Variants in KRI1 observed in about 807,000 individuals in gnomAD.
KRI1 encodes protein KRI1 homolog.
KRI1 carries 83 observed loss-of-function variants against 97.0 expected under a neutral mutation model. The ratio of observed to expected loss-of-function variants is 0.86; its 90% CI spans 0.72 to 1.03. The LOEUF is 1.03. Among genes scored for constraint, KRI1 ranks in the 50% least tolerant of loss-of-function variants. The pLI is 0.00. For missense variants in KRI1, 916 were observed against 928.4 expected (o/e 0.99, Z 0.17); for synonymous variants, 371 against 363.5 (o/e 1.02, Z -0.23).
intron 2 of KRI1, 109 bp downstream of exon 2, chr19:10,565,608 C>T: frequency 7.2e-7 from 1 of 1,393,140 alleles, no homozygotes; most frequent in Non-Finnish European, 9.5e-7. Flanking sequence ...ATGGGACGCT[C>T]CCGCAGGGCG....
At chr19:10,561,320 C>T in intron 6 of KRI1, 55 bp from the exon 7 acceptor site, 1 of 1,473,642 alleles carries the variant, frequency 6.8e-7, no homozygotes, top group South Asian at 1.1e-5. Flanking sequence ...CTGTCTGCTG[C>T]CCCAGTATTT....
chr19:10,557,083 G>C lies in KRI1; in HGVS notation c.1617+469C>G, dbSNP rs1217130649. ...AATATTACCTTTGAGGTGAGGTAAT[G>C]TTATTAGCACTGTCATTAGGACTAT... On this transcript the variant is annotated intron_variant, in intron 16 of 18. Transcript: ENST00000312962. Among the ~76,000 whole-genome samples, 3 of 150,772 alleles carry C rather than the reference G, an allele frequency of 2.0e-5. 1 individual carries two copies. The highest frequency in any genetic ancestry group is 4.4e-5 in the Non-Finnish European group (3 of 67,814).
At chr19:10,564,396 G>A (rs1400070345) in intron 3 of KRI1, among the ~76,000 whole-genome samples, 1 of 151,916 alleles carries the variant, frequency 6.6e-6, no homozygotes, top group African/African-American at 2.4e-5. Context: ...GGAGACGGAG[G>A]TTGCAGTGAG....
At position 10,560,353 on chromosome 19, in the gene KRI1, T is replaced by C; in HGVS notation, c.759A>G (p.Glu253=). The change falls in exon 9 of 19, where the codon GAA becomes GAG. Residue 253 remains glutamate (E), a synonymous_variant. Transcript: ENST00000312962. ...TTTCCTCTTCATCTTCCTCCTCCTC[T>C]TCCTCCTCCTCATAGCGTTTGTTGA... ...YILNKRYEEE[E]EEEEDEEEME... 6.2e-7 allele frequency: 1 copy of C among 1,611,670 alleles called. No homozygotes were observed. The highest frequency in any genetic ancestry group is 8.5e-7 in the Non-Finnish European group (1 of 1,179,404).
intron 16 of KRI1, among the ~76,000 whole-genome samples, chr19:10,556,040 G>C (rs978395898): frequency 1.3e-5 from 2 of 152,136 alleles, no homozygotes; most frequent in African/African-American, 4.8e-5. Context: ...CCAAGCCAGG[G>C]CTTGAACCCA....
In KRI1 at chr19:10,553,981, C is replaced by A; in HGVS notation, c.2082G>T (p.Arg694Ser). The change falls in exon 19 of 19, where the codon AGG (arginine) becomes AGT (serine). Residue 694 changes from arginine to serine, a missense_variant. Around this residue, in one of 3 missense-constraint regions of KRI1, gnomAD observed 672 missense variants for 667.2 expected, o/e 1.01. Coordinates refer to ENST00000312962, the MANE Select transcript of KRI1 (RefSeq NM_023008.5). ...LHFRQLGRQR[R>S]KQQGPKNSS The stretch of plus-strand genomic sequence containing the variant: ...AGCTGTTCTTGGGCCCCTGTTGTTT[C>A]CTCCGCTGCCGGCCCAGCTGGCGGA... The A allele has an allele frequency of 6.2e-7, 1 of 1,610,630 alleles. No homozygotes were observed. The highest frequency in any genetic ancestry group is 8.5e-7 in the Non-Finnish European group (1 of 1,178,098).
At chr19:10,557,946 G>C in intron 14 of KRI1, 26 bp downstream of exon 14, 1 of 1,613,830 alleles carries the variant, frequency 6.2e-7, no homozygotes, top group Non-Finnish European at 8.5e-7. Flanking sequence ...AGGGCCCCTG[G>C]GACTCCCTCA....
At chr19:10,561,142 G>T in intron 7 of KRI1, 27 bp downstream of exon 7, 1 of 1,612,726 alleles carries the variant, frequency 6.2e-7, no homozygotes, top group Non-Finnish European at 8.5e-7. Context: ...CTGTCCCCCA[G>T]CAGTCCAGTC....
intron 18 of KRI1, 26 bp from the exon 19 acceptor site, chr19:10,554,307 C>T (rs1479444755): frequency 1.3e-6 from 2 of 1,593,642 alleles, no homozygotes; most frequent in Non-Finnish European, 8.6e-7. Flanking sequence ...CAGGGCTCAG[C>T]CCAGGCCTGT....
chr19:10,561,337 T>A (rs1916691834), intron 6 of KRI1, 72 bp from the exon 7 acceptor site: 2 of 1,396,336 alleles, frequency 1.4e-6, no homozygotes, highest in Non-Finnish European at 2.0e-6. Flanking sequence ...ATTTATTTTA[T>A]TTTGTAGAGC....
intron 4 of KRI1, among the ~76,000 whole-genome samples, chr19:10,562,111 T>C (rs915679977): frequency 4.0e-5 from 6 of 151,658 alleles, no homozygotes; most frequent in Non-Finnish European, 5.9e-5. Context: ...GGCAGTGGCA[T>C]GATCTCGGAA....
rs1568420162 is a variant in KRI1, at chr19:10,554,208, G to C, written c.1855C>G (p.Leu619Val). The change falls in exon 19 of 19, where the codon CTT becomes GTT. Residue 619 changes from leucine (L) to valine (V), a missense_variant. This residue lies in a region of KRI1 where 672 missense variants were observed against 667.2 expected (regional missense o/e 1.01). Transcript: ENST00000312962. ...EAGPQRQLPALDGSLMGPESP... is the reference protein window; with the variant it reads ...EAGPQRQLPAVDGSLMGPESP... The stretch of plus-strand genomic sequence containing the variant: ...TCCGGCCCCATCAAGCTGCCATCAA[G>C]GGCTGGCAGCTGCCTCTGTGGGCCG... 3.1e-6 allele frequency: 5 copies of C among 1,613,892 alleles called. No individual in the cohort carries two copies. The African/African-American group carries it at 5.3e-5, about 17-fold the overall frequency.
At chr19:10,559,572 C>G in intron 11 of KRI1, 41 bp downstream of exon 11, 3 of 1,613,848 alleles carry the variant, frequency 1.9e-6, no homozygotes, top group Non-Finnish European at 2.5e-6. Flanking sequence ...GGCTTTCCTC[C>G]AGGGCTGGGG....
At position 10,561,268 on chromosome 19, in the gene KRI1, GC is replaced by G. The variant is rs770006719; in HGVS notation, c.489-4del. The G allele has an allele frequency of 1.8e-5, 29 of 1,613,778 alleles. No homozygotes were observed. The highest frequency in any genetic ancestry group is 2.5e-5 in the Non-Finnish European group (29 of 1,179,820). ...TGTCCTCCACAAATGCCCGGAAGCT[GC>G]CCACGAGAGAAAACAAGCCTCAGGA... On this transcript the variant is annotated splice_region_variant and splice_polypyrimidine_tract_variant and intron_variant, in intron 6 of 18. Transcript: ENST00000312962.
chr19:10,557,897 T>C lies in KRI1; in HGVS notation c.1360-2A>G, dbSNP rs764035524. 14 of 1,613,518 alleles carry C rather than the reference T, an allele frequency of 8.7e-6. No homozygotes were observed. The highest frequency in any genetic ancestry group is 1.7e-5 in the Admixed American group (1 of 59,994). On this transcript the variant is annotated splice_acceptor_variant, in intron 14 of 18. Transcript: ENST00000312962. LOFTEE classifies it high-confidence loss of function. ...GCTGGGGTCGTAGTCGGCGTCCATC[T>C]GCCAGGACGCACAGGTCAGATCCCA... is the stretch of plus-strand genomic sequence containing the variant.
rs368734775 is a variant in KRI1, at chr19:10,558,265, C to T, written c.1195-26G>A. 2.4e-5 allele frequency: 39 copies of T among 1,612,322 alleles called. No individual in the cohort carries two copies. In the African/African-American group the frequency reaches 4.9e-4, roughly 20 times the overall value. On this transcript the variant is annotated intron_variant, in intron 12 of 18. Coordinates refer to ENST00000312962, the MANE Select transcript of KRI1 (RefSeq NM_023008.5). ...CTGCAGGGTCAGGGCTGGCGGTTACCAGAGCCCACTCGAGACATAGGAGCT... is the reference window on the plus strand; with the variant it reads ...CTGCAGGGTCAGGGCTGGCGGTTACTAGAGCCCACTCGAGACATAGGAGCT...
chr19:10,561,922 T>G, intron 4 of KRI1, 77 bp from the exon 5 acceptor site: 2 of 1,361,154 alleles, frequency 1.5e-6, no homozygotes, highest in East Asian at 2.3e-5. Flanking sequence ...GAGCAGCTAT[T>G]CCAAGCAACA....
In KRI1 at chr19:10,559,666, T is replaced by C; in HGVS notation, c.970A>G (p.Lys324Glu). Residue 324 changes from lysine to glutamate, a missense_variant, in exon 11 of 19, where the codon AAG becomes GAG. Lys to Glu is a moderately conservative substitution (Grantham distance 56). This residue lies in a region of KRI1 where 672 missense variants were observed against 667.2 expected (regional missense o/e 1.01). Coordinates refer to ENST00000312962, the MANE Select transcript of KRI1 (RefSeq NM_023008.5). ...CTCTTCTCCTTTCTGCGCTCATCCTTACGGCGCACGGAGGACGCGATGCTG... is the reference window on the plus strand; with the variant it reads ...CTCTTCTCCTTTCTGCGCTCATCCTCACGGCGCACGGAGGACGCGATGCTG... ...PRSIASSVRRKDERRKEKREE... is the reference protein window; with the variant it reads ...PRSIASSVRREDERRKEKREE... 1 of 1,613,992 alleles carries C rather than the reference T, an allele frequency of 6.2e-7. No homozygotes were observed. Among genetic ancestry groups the C allele is most frequent in the Middle Eastern group, 1.6e-4 (1 of 6,062 alleles).
Position 10,559,597 on chromosome 19 carries a change from C to A in KRI1, c.1023+16G>T, listed in dbSNP as rs766592228. The A allele has an allele frequency of 1.2e-6, 2 of 1,613,522 alleles. No homozygotes were observed. The highest frequency in any genetic ancestry group is 1.7e-6 in the Non-Finnish European group (2 of 1,179,798). On this transcript the variant is annotated intron_variant, in intron 11 of 18. Transcript: ENST00000312962. ...CAGGGCTGGGGGGTCCTCCCCAGCT[C>A]ACCCCCCACACTCACCCTCTTCTTT...
Sources: gnomAD v4.1 joint callset for allele counts (sites outside exome capture counted in the v4.1 genomes callset) on GRCh38, gnomAD v4.1.1 for gene constraint, gnomAD v4.1.1 regional missense constraint, MANE v1.5 for transcripts, NCBI Gene and HGNC (gene_info 2026-07-23, HGNC 2026-07-21) for gene names.